The following SYTL5 variants were observed in gnomAD, a reference collection of about 807,000 sequenced individuals.
SYTL5 encodes the protein synaptotagmin-like protein 5.
Under a neutral mutation model 55.9 loss-of-function variants are expected in SYTL5, and 34 were observed. That is an observed-to-expected ratio of 0.61 (90% CI 0.46 to 0.81). The LOEUF (loss-of-function observed/expected upper bound fraction) is 0.81, where lower values mean the gene tolerates loss of function less well. Ranked by LOEUF, SYTL5 falls within the 30% of genes least tolerant of loss-of-function variation. The pLI, the probability that SYTL5 is intolerant of heterozygous loss-of-function variation, is 0.00. For synonymous variants in SYTL5, 221 were observed against 188.7 expected (o/e 1.17, Z -1.40); for missense variants, 637 against 546.7 (o/e 1.17, Z -1.65).
the SYTL5 span, among the ~76,000 whole-genome samples, chrX:37,907,643 C>T: frequency 9.0e-6 from 1 of 110,904 alleles, no homozygotes; most frequent in Non-Finnish European, 1.9e-5. Flanking sequence ...TCTTTGTATC[C>T]CTGGAGCCTA....
At chrX:38,099,735 T>C (rs767180149) in intron 9 of SYTL5, among the ~76,000 whole-genome samples, 1 of 111,477 alleles carries the variant, frequency 9.0e-6, no homozygotes, top group East Asian at 2.8e-4. Context: ...TGGTTTTATG[T>C]TGAGGTAAAT....
intron 1 of SYTL5, 68 bp downstream of exon 1, chrX:38,006,736 G>T (rs893778940): frequency 9.0e-6 from 1 of 111,259 alleles, no homozygotes; most frequent in Non-Finnish European, 1.9e-5. Flanking sequence ...TTTTGTGTGT[G>T]GTAGGGGAGT....
the SYTL5 span, among the ~76,000 whole-genome samples, chrX:37,899,179 C>T: frequency 1.8e-5 from 2 of 111,358 alleles, no homozygotes; most frequent in African/African-American, 6.5e-5. Context: ...ATCTATTATA[C>T]ATCATTTATT....
At chrX:38,098,525 G>C (rs1333707922) in intron 9 of SYTL5, among the ~76,000 whole-genome samples, 1 of 110,672 alleles carries the variant, frequency 9.0e-6, no homozygotes, top group East Asian at 2.8e-4. Context: ...GAATGGGTGT[G>C]ATTAAAAAGA....
chrX:38,002,618 A>G (rs1163183202), upstream of SYTL5, among the ~76,000 whole-genome samples: 3 of 112,406 alleles, frequency 2.7e-5, no homozygotes, highest in African/African-American at 6.5e-5. Flanking sequence ...ATGGCCAGTG[A>G]TGATGAGCAT....
intron 3 of SYTL5, among the ~76,000 whole-genome samples, chrX:38,069,504 G>T (rs1400996356): frequency 8.9e-6 from 1 of 111,923 alleles, no homozygotes; most frequent in African/African-American, 3.2e-5. Flanking sequence ...GCCATTCTTA[G>T]CTCATAGAGG....
the SYTL5 span, among the ~76,000 whole-genome samples, chrX:37,947,720 T>C: frequency 9.0e-6 from 1 of 111,447 alleles, no homozygotes; most frequent in Non-Finnish European, 1.9e-5. Flanking sequence ...ACTGCATAGA[T>C]TTGGCAGACA....
chrX:38,043,779 TG>T (rs1935378407), intron 2 of SYTL5, among the ~76,000 whole-genome samples: 1 of 104,449 alleles, frequency 9.6e-6, no homozygotes, highest in African/African-American at 3.5e-5. Flanking sequence ...TCTTTATTTT[TG>T]CTTTGCATTA....
intron 2 of SYTL5, among the ~76,000 whole-genome samples, chrX:38,035,424 T>C (rs1227394706): frequency 9.0e-6 from 1 of 111,526 alleles, no homozygotes; most frequent in East Asian, 2.8e-4. Flanking sequence ...ACCCCATCTC[T>C]ACTAAAAATA....
chrX:38,012,075 A>G (rs757327411), intron 1 of SYTL5, among the ~76,000 whole-genome samples: 1 of 112,078 alleles, frequency 8.9e-6, no homozygotes, highest in Non-Finnish European at 1.9e-5. Context: ...GCAGTTTCCA[A>G]TTTTTGTAAC....
In SYTL5 at chrX:38,094,326, C is replaced by A; in HGVS notation, c.863C>A (p.Ala288Asp). ...GGTTTTGAAAATTCCATGGATTTGG[C>A]TGCTATTGAAGGTACCTCTCAGGAG... ...EYGFENSMDLAAIEGTSQELT... is the reference protein window; with the variant it reads ...EYGFENSMDLDAIEGTSQELT... Residue 288 changes from alanine (A) to aspartate (D), a missense_variant, in exon 8 of 17, where the codon GCT becomes GAT. Ala to Asp is a moderately radical substitution (Grantham distance 126, BLOSUM62 -2). Coordinates refer to ENST00000297875, the MANE Select transcript of SYTL5 (RefSeq NM_138780.3). 8.3e-7 allele frequency: 1 copy of A among 1,202,616 alleles called. No homozygotes were observed. Among genetic ancestry groups the A allele is most frequent in the Non-Finnish European group, 1.1e-6 (1 of 889,286 alleles).
chrX:37,958,330 TGTCATAATATG>T, the SYTL5 span, among the ~76,000 whole-genome samples: 1 of 111,661 alleles, frequency 9.0e-6, no homozygotes, highest in Non-Finnish European at 1.9e-5. Flanking sequence ...CTTCTGGCTG[TGTCATAATATG>T]GTGGAGGACA....
chrX:38,025,526 C>T (rs1260240451), intron 1 of SYTL5, among the ~76,000 whole-genome samples: 1 of 111,906 alleles, frequency 8.9e-6, no homozygotes, highest in African/African-American at 3.3e-5. Context: ...AATAGAATGA[C>T]ATACAAAGCA....
In SYTL5 at chrX:38,073,641, C is replaced by T; in HGVS notation, c.497C>T (p.Ser166Leu). Reference protein sequence around the residue: ...QEQTRQDAEKSDTSPVAGKKA... With the variant: ...QEQTRQDAEKLDTSPVAGKKA... ...CAAACCCGCCAGGATGCAGAAAAGT[C>T]AGACACTTCACCTGTTGCTGGGAAG... Residue 166 changes from serine to leucine, a missense_variant, in exon 5 of 17, where the codon TCA becomes TTA. Transcript: ENST00000297875. 8.3e-7 allele frequency: 1 copy of T among 1,200,169 alleles called. No individual in the cohort carries two copies. Among genetic ancestry groups the T allele is most frequent in the Admixed American group, 2.2e-5 (1 of 44,451 alleles).
In SYTL5 at chrX:38,017,310, T is replaced by C. The variant is rs775584537; in HGVS notation, c.-357+10642T>C. ...ACCTAGAATGTTAGGCCAAGGAAGA[T>C]GTAATATAACACTGGATTAGGCCAA... On this transcript the variant is annotated intron_variant, in intron 1 of 16. Transcript: ENST00000297875. Among the ~76,000 whole-genome samples, 4 of 112,240 alleles carry C rather than the reference T, an allele frequency of 3.6e-5. No individual in the cohort carries two copies. In the South Asian group the frequency reaches 1.5e-3, roughly 42 times the overall value.
intron 14 of SYTL5, among the ~76,000 whole-genome samples, chrX:38,121,008 G>A (rs889307446): frequency 3.6e-5 from 4 of 111,949 alleles, no homozygotes; most frequent in Non-Finnish European, 7.5e-5. Context: ...TATGTAGGAA[G>A]CATAAAACAG....
chrX:38,054,145 T>A, intron 2 of SYTL5, 68 bp from the exon 3 acceptor site: 1 of 813,128 alleles, frequency 1.2e-6, no homozygotes, highest in Non-Finnish European at 1.8e-6. Context: ...AGACATTGTT[T>A]TAGACATTGT....
the SYTL5 span, among the ~76,000 whole-genome samples, chrX:37,917,224 C>T: frequency 9.0e-6 from 1 of 111,609 alleles, no homozygotes; most frequent in Non-Finnish European, 1.9e-5. Context: ...ACATTTTTTT[C>T]TCCCTTTCCA....
the SYTL5 span, among the ~76,000 whole-genome samples, chrX:37,903,142 C>A: frequency 1.8e-5 from 2 of 110,959 alleles, no homozygotes; most frequent in South Asian, 3.8e-4. Context: ...GTCAGTGTGG[C>A]GATTCCTCAG....
Sources: gnomAD v4.1 joint callset for allele counts (sites outside exome capture counted in the v4.1 genomes callset) on GRCh38, gnomAD v4.1.1 for gene constraint, MANE v1.5 for transcripts, NCBI Gene and HGNC (gene_info 2026-07-23, HGNC 2026-07-21) for gene names.